SMIM8: variants seen among roughly 807,000 people sequenced by gnomAD.
SMIM8 encodes small integral membrane protein 8.
SMIM8 carries 8 observed loss-of-function variants against 8.1 expected under a neutral mutation model. That is an observed-to-expected ratio of 0.99 (90% CI 0.58 to 1.78). The LOEUF (loss-of-function observed/expected upper bound fraction) is 1.78, where lower values mean the gene tolerates loss of function less well. Ranked by LOEUF, SMIM8 falls within the 40% of genes most tolerant of loss-of-function variation. The pLI is 0.00. For missense variants in SMIM8, 126 were observed against 119.8 expected (o/e 1.05, Z -0.24); for synonymous variants, 45 against 39.7 (o/e 1.13, Z -0.50).
intron 2 of SMIM8, among the ~76,000 whole-genome samples, chr6:87,332,606 C>A (rs1253842036): frequency 1.4e-5 from 2 of 144,170 alleles, no homozygotes; most frequent in African/African-American, 5.1e-5. Flanking sequence ...GGAGTGAGTT[C>A]ATCCTCCTCA....
intron 2 of SMIM8, among the ~76,000 whole-genome samples, chr6:87,335,782 G>T (rs1777100789): frequency 6.8e-6 from 1 of 147,690 alleles, no homozygotes; most frequent in African/African-American, 2.5e-5. Context: ...GGCAGAAGCA[G>T]GTTTGCTTTG....
chr6:87,335,419 G>A (rs778251743), intron 2 of SMIM8, among the ~76,000 whole-genome samples: 60 of 152,166 alleles, frequency 3.9e-4, no homozygotes, highest in Non-Finnish European at 6.8e-4. Context: ...GATGAAGAAG[G>A]CAACAATGAT....
intron 1 of SMIM8, among the ~76,000 whole-genome samples, chr6:87,324,145 C>T (rs1446575772): frequency 2.0e-5 from 3 of 152,034 alleles, no homozygotes; most frequent in African/African-American, 4.8e-5. Flanking sequence ...TGTAAATTTG[C>T]TTGAGTTGAT....
In SMIM8 at chr6:87,340,228, G is replaced by A. The variant is rs765182379; in HGVS notation, c.248G>A (p.Ser83Asn). Residue 83 changes from serine to asparagine, a missense_variant, in exon 4 of 4, where the codon AGT (serine) becomes AAT (asparagine). Ser to Asn is a conservative substitution (Grantham distance 46, BLOSUM62 1). Transcript: ENST00000392863. ...AAGGACCTCTATGAAGCTATTGATA[G>A]TGAGGGGCACAGTTATATGAGGCGG... Reference protein sequence around the residue: ...NKKDLYEAIDSEGHSYMRRKT... With the variant: ...NKKDLYEAIDNEGHSYMRRKT... 1 of 1,611,284 alleles carries A rather than the reference G, an allele frequency of 6.2e-7. No homozygotes were observed. Among genetic ancestry groups the A allele is most frequent in the East Asian group, 2.2e-5 (1 of 44,716 alleles).
chr6:87,324,947 G>A (rs1394307607), intron 1 of SMIM8, among the ~76,000 whole-genome samples: 1 of 151,978 alleles, frequency 6.6e-6, no homozygotes, highest in African/African-American at 2.4e-5. Flanking sequence ...TTATTTCCTT[G>A]AGCAGTGGTT....
At chr6:87,333,155 G>A (rs1777028457) in intron 2 of SMIM8, among the ~76,000 whole-genome samples, 1 of 152,214 alleles carries the variant, frequency 6.6e-6, no homozygotes, top group African/African-American at 2.4e-5. Flanking sequence ...GATCTGGCAT[G>A]TGCAGAGATC....
At chr6:87,338,079 CTT>C (rs1282118971) in intron 3 of SMIM8, among the ~76,000 whole-genome samples, 4 of 152,226 alleles carry the variant, frequency 2.6e-5, no homozygotes, top group African/African-American at 9.6e-5. Flanking sequence ...AATAGATCAA[CTT>C]AATCAGATCA....
Position 87,340,347 on chromosome 6 carries a change from C to T in SMIM8, c.*73C>T. On this transcript the variant is annotated 3_prime_UTR_variant, in exon 4 of 4. Coordinates refer to ENST00000392863, the MANE Select transcript of SMIM8 (RefSeq NM_001042493.3). ...TCAAATGAAAGACCTTGTGAGTGTA[C>T]AGTATCATGTTTCTTGTTCTAGAAC... The T allele has an allele frequency of 7.3e-7, 1 of 1,365,020 alleles. No homozygotes were observed. The highest frequency in any genetic ancestry group is 9.6e-7 in the Non-Finnish European group (1 of 1,041,368). 84.6% of individuals were successfully genotyped at this position (1,365,020 alleles called of 1,614,324 possible). A position where few individuals can be genotyped will look rare whatever the true frequency, so the allele number is the denominator to read the frequency against.
chr6:87,325,478 G>C (rs990488271), intron 1 of SMIM8, among the ~76,000 whole-genome samples: 5 of 104,408 alleles, frequency 4.8e-5, no homozygotes, highest in Non-Finnish European at 8.2e-5. Flanking sequence ...TAGCATGAAG[G>C]GTTATTGAAT....
chr6:87,325,072 G>T (rs1407047816), intron 1 of SMIM8, among the ~76,000 whole-genome samples: 2 of 152,022 alleles, frequency 1.3e-5, no homozygotes, highest in Admixed American at 1.3e-4. Context: ...CTCTCTGTTT[G>T]TTGCTGGTGT....
chr6:87,328,915 G>A (rs990357858), intron 1 of SMIM8, among the ~76,000 whole-genome samples: 3 of 152,326 alleles, frequency 2.0e-5, no homozygotes, highest in South Asian at 2.1e-4. Context: ...CTCCGTGGGC[G>A]TAGGACCCTC....
chr6:87,327,113 T>C (rs1232357501), intron 1 of SMIM8, among the ~76,000 whole-genome samples: 1 of 151,678 alleles, frequency 6.6e-6, no homozygotes, highest in Non-Finnish European at 1.5e-5. Flanking sequence ...TGTTTTCCAT[T>C]TGCTTGGTAG....
Position 87,340,971 on chromosome 6 carries a change from T to G in SMIM8, c.*697T>G. 1 of 236,802 alleles carries G rather than the reference T, an allele frequency of 4.2e-6. No homozygotes were observed. The highest frequency in any genetic ancestry group is 8.2e-5 in the East Asian group (1 of 12,132). The allele number at this position is 236,802 out of a possible 1,614,324, so 14.7% of individuals were successfully genotyped here. ...AAAAAAAAAGTATGTTTTACTGAGG[T>G]ATGATGATTTTGACTACAACTAAAT... is the stretch of plus-strand genomic sequence containing the variant. On this transcript the variant is annotated 3_prime_UTR_variant, in exon 4 of 4. Coordinates refer to ENST00000392863, the MANE Select transcript of SMIM8 (RefSeq NM_001042493.3).
At chr6:87,331,863 A>G (rs1305995574) in intron 2 of SMIM8, among the ~76,000 whole-genome samples, 2 of 152,204 alleles carry the variant, frequency 1.3e-5, no homozygotes, top group Non-Finnish European at 1.5e-5. Flanking sequence ...ATGATAAATA[A>G]TAGAAAATGT....
At chr6:87,326,737 T>A (rs2127916875) in intron 1 of SMIM8, among the ~76,000 whole-genome samples, 1 of 123,236 alleles carries the variant, frequency 8.1e-6, no homozygotes, top group Middle Eastern at 3.7e-3. Flanking sequence ...AAAAAATGTA[T>A]ATTCTGTTGA....
intron 2 of SMIM8, among the ~76,000 whole-genome samples, chr6:87,334,660 T>C (rs1777066452): frequency 6.6e-6 from 1 of 152,238 alleles, no homozygotes; most frequent in African/African-American, 2.4e-5. Context: ...ATCATATGCT[T>C]CATGCCAAAG....
Position 87,338,401 on chromosome 6 carries a change from A to T in SMIM8, c.135+1235A>T, listed in dbSNP as rs138977236. Among the ~76,000 whole-genome samples, 1,172 of 152,330 alleles carry T rather than the reference A, an allele frequency of 7.7e-3. 18 individuals carry two copies. Among genetic ancestry groups the T allele is most frequent in the African/African-American group, 0.026 (1,071 of 41,574 alleles). Reference sequence around the variant, plus strand: ...GAGGCTGGAGTTTTTAAGAAAAAAGATGAATCAGGAGAGGGGGCAAGTACA... The same window carrying T: ...GAGGCTGGAGTTTTTAAGAAAAAAGTTGAATCAGGAGAGGGGGCAAGTACA... On this transcript the variant is annotated intron_variant, in intron 3 of 3. Transcript: ENST00000392863.
chr6:87,331,596 G>T (rs1245571748), intron 2 of SMIM8, among the ~76,000 whole-genome samples: 5 of 152,178 alleles, frequency 3.3e-5, no homozygotes, highest in Non-Finnish European at 7.3e-5. Context: ...ATGTAGAAAA[G>T]ATTTTGTTTT....
chr6:87,336,988 A>G, intron 2 of SMIM8, 21 bp from the exon 3 acceptor site: 2 of 1,528,406 alleles, frequency 1.3e-6, no homozygotes, highest in South Asian at 1.3e-5. Flanking sequence ...GAAGGGAAAA[A>G]ATATATTATT....
Sources: allele counts gnomAD v4.1 joint callset (sites outside exome capture counted in the v4.1 genomes callset), GRCh38; gene constraint gnomAD v4.1.1; transcripts MANE v1.5; gene names NCBI Gene and HGNC (gene_info 2026-07-23, HGNC 2026-07-21).